The following TCOF1 variants were observed in gnomAD, a reference collection of about 807,000 sequenced individuals.
TCOF1 encodes treacle protein.
A neutral mutation model predicts 149.0 loss-of-function variants in TCOF1; 33 were observed. The observed-to-expected ratio is 0.22, with a 90% CI of 0.17 to 0.30. The LOEUF (loss-of-function observed/expected upper bound fraction) is 0.30, where lower values mean the gene tolerates loss of function less well. Among genes scored for constraint, TCOF1 ranks in the 10% least tolerant of loss-of-function variants. The probability of loss-of-function intolerance (pLI) is 1.00; values close to 1 mark genes in which losing one functional copy is unlikely to be tolerated. For synonymous variants in TCOF1, 789 were observed against 738.8 expected, an observed-to-expected ratio of 1.07 and a Z score of -1.10; for missense variants, 1,728 against 1,840.7, an observed-to-expected ratio of 0.94 and a Z score of 1.12.
intron 1 of TCOF1, among the ~76,000 whole-genome samples, chr5:150,360,910 A>C (rs1466281117): frequency 6.6e-6 from 1 of 151,416 alleles, no homozygotes; most frequent in Non-Finnish European, 1.5e-5. Flanking sequence ...CTAATTTTTA[A>C]ATTTTTTTAT....
chr5:150,384,202 C>T, intron 17 of TCOF1: 1 of 1,005,880 alleles, frequency 9.9e-7, no homozygotes, highest in Non-Finnish European at 1.2e-6. Context: ...TGCTCACTGC[C>T]TCTCACTTTC....
intron 2 of TCOF1, 76 bp downstream of exon 2, chr5:150,361,287 T>C (rs1193616716): frequency 6.4e-7 from 1 of 1,557,496 alleles, no homozygotes; most frequent in East Asian, 2.2e-5. Context: ...CTGGGATACC[T>C]ATCTGGTCTA....
At chr5:150,379,140 G>A (rs934737984) in intron 15 of TCOF1, 89 bp from the exon 16 acceptor site, 51 of 1,613,716 alleles carry the variant, frequency 3.2e-5, no homozygotes, top group Non-Finnish European at 4.0e-5. Flanking sequence ...GCATGGGCAG[G>A]CCACCCACCC....
intron 23 of TCOF1, chr5:150,394,894 G>A (rs1345023030): frequency 1.4e-5 from 2 of 142,490 alleles, no homozygotes; most frequent in Non-Finnish European, 3.0e-5. Context: ...TCCAGCCTGG[G>A]CAACAGAGCA....
chr5:150,379,826 C>T (rs531106172), intron 17 of TCOF1, 94 bp downstream of exon 17: 10 of 1,476,714 alleles, frequency 6.8e-6, no homozygotes, highest in Non-Finnish European at 9.3e-6. Context: ...AATCCTAGCA[C>T]TTTGGGAGGC....
At chr5:150,390,109 C>T (rs773167921) in intron 19 of TCOF1, 86 bp downstream of exon 19, 3 of 1,539,792 alleles carry the variant, frequency 1.9e-6, no homozygotes, top group Non-Finnish European at 2.6e-6. Flanking sequence ...ATGGGATGGC[C>T]TGCAATTGCT....
At position 150,364,096 on chromosome 5, in the gene TCOF1, T is replaced by A; in HGVS notation, c.165-17T>A. 1 of 1,614,018 alleles carries A rather than the reference T, an allele frequency of 6.2e-7. No individual in the cohort carries two copies. The highest frequency in any genetic ancestry group is 8.5e-7 in the Non-Finnish European group (1 of 1,179,930). ...TCTGTCACCCAGTTGGTATAGACAG[T>A]CACCCTTGTCCTGCAGAACCTCAGA... is the stretch of plus-strand genomic sequence containing the variant. On this transcript the variant is annotated splice_polypyrimidine_tract_variant and intron_variant, in intron 2 of 26. Coordinates refer to ENST00000643257, the MANE Select transcript of TCOF1 (RefSeq NM_001371623.1).
chr5:150,378,550 C>T (rs1764326960), intron 14 of TCOF1: 2 of 305,828 alleles, frequency 6.5e-6, no homozygotes, highest in Non-Finnish European at 1.2e-5. Flanking sequence ...ACATTGCCAC[C>T]TAGCTGAAAG....
At chr5:150,373,234 G>GTA (rs1762945458) in intron 7 of TCOF1, among the ~76,000 whole-genome samples, 1 of 151,752 alleles carries the variant, frequency 6.6e-6, no homozygotes, top group South Asian at 2.1e-4. Flanking sequence ...GTGTGTGTGT[G>GTA]TATAGACAGG....
At position 150,357,721 on chromosome 5, in the gene TCOF1, T is replaced by TAGCC. The variant is rs1758922761; in HGVS notation, c.-25_-22dup. The TAGCC allele has an allele frequency of 6.5e-7, 1 of 1,539,076 alleles. No homozygotes were observed. Among genetic ancestry groups the TAGCC allele is most frequent in the South Asian group, 1.2e-5 (1 of 83,740 alleles). On this transcript the variant is annotated 5_prime_UTR_variant, in exon 1 of 27. Transcript: ENST00000643257. ...CGGGGACTAAGGCGGGGCGTGCAGG[T>TAGCC]AGCCGGCCGGCCGGGGGTCGCGGGT...
chr5:150,388,236 A>G, intron 18 of TCOF1, 148 bp downstream of exon 18: 1 of 1,084,764 alleles, frequency 9.2e-7, no homozygotes, highest in Non-Finnish European at 1.3e-6. Flanking sequence ...TGCATTAGCC[A>G]TTCTGATTAG....
At chr5:150,393,867 C>A in intron 23 of TCOF1, 1 of 391,044 alleles carries the variant, frequency 2.6e-6, no homozygotes, top group East Asian at 6.0e-5. Flanking sequence ...TTTTAATTAG[C>A]CGGTGTGATG....
At position 150,391,647 on chromosome 5, in the gene TCOF1, C is replaced by A; in HGVS notation, c.3287C>A (p.Pro1096His). ...EAQPPVARTQ[P>H]SSGVDSAVGT... ...CAGCCTCCTGTTGCCAGGACCCAGC[C>A]TTCAAGTGGGGTGAGCTTGGGGAGC... The change falls in exon 20 of 27, where the codon CCT becomes CAT. Residue 1096 changes from proline (P) to histidine (H), a missense_variant. Physicochemically the swap from Pro to His is moderately conservative, Grantham distance 77. Transcript: ENST00000643257. 2.5e-6 allele frequency: 4 copies of A among 1,613,898 alleles called. No homozygotes were observed. Among genetic ancestry groups the A allele is most frequent in the Non-Finnish European group, 3.4e-6 (4 of 1,179,926 alleles).
chr5:150,381,518 C>T (rs1396746425), intron 17 of TCOF1, among the ~76,000 whole-genome samples: 11 of 152,240 alleles, frequency 7.2e-5, no homozygotes, highest in African/African-American at 2.7e-4. Context: ...TCAGTGTGTG[C>T]AGAGGGGCTG....
At position 150,379,517 on chromosome 5, in the gene TCOF1, T is replaced by G; in HGVS notation, c.2659-15T>G. 6.2e-7 allele frequency: 1 copy of G among 1,614,170 alleles called. No homozygotes were observed. Among genetic ancestry groups the G allele is most frequent in the Non-Finnish European group, 8.5e-7 (1 of 1,180,008 alleles). On this transcript the variant is annotated splice_polypyrimidine_tract_variant and intron_variant, in intron 16 of 26. Coordinates refer to ENST00000643257, the MANE Select transcript of TCOF1 (RefSeq NM_001371623.1). ...CCCTCCAGGCTCTCTCCTCTCATCCTGTTTCTCCCTCCAGGTGAAGCCTTC... is the reference window on the plus strand; with the variant it reads ...CCCTCCAGGCTCTCTCCTCTCATCCGGTTTCTCCCTCCAGGTGAAGCCTTC...
At chr5:150,388,121 G>GCTGCCAGCA in intron 18 of TCOF1, 33 bp downstream of exon 18, 1 of 1,611,708 alleles carries the variant, frequency 6.2e-7, no homozygotes. Flanking sequence ...GGTGGGAGGG[G>GCTGCCAGCA]CTGCCAGCAC....
Position 150,396,328 on chromosome 5 carries a change from G to A in TCOF1, c.3831G>A (p.Lys1277=). 1.2e-6 allele frequency: 2 copies of A among 1,613,982 alleles called. No individual in the cohort carries two copies. The highest frequency in any genetic ancestry group is 1.7e-6 in the Non-Finnish European group (2 of 1,180,048). The change falls in exon 24 of 27, where the codon AAG becomes AAA. Residue 1277 remains lysine (K), a synonymous_variant. Transcript: ENST00000643257. ...GCACCACACCTCAGAAGTCCCGGAA[G>A]CCCAAGAAAGGGGCTGGGAACCCCC... The part of the protein sequence containing the change: ...ASGTTPQKSR[K]PKKGAGNPQA...
At chr5:150,386,612 CAG>C (rs35982098) in intron 17 of TCOF1, among the ~76,000 whole-genome samples, 12,710 of 152,276 alleles carry the variant, frequency 0.083, 691 homozygotes, top group East Asian at 0.24. Flanking sequence ...GATGGTGAAA[CAG>C]AGACCAGTCT....
At chr5:150,388,437 G>A (rs1766726618) in intron 18 of TCOF1, among the ~76,000 whole-genome samples, 1 of 152,130 alleles carries the variant, frequency 6.6e-6, no homozygotes, top group Admixed American at 6.6e-5. Context: ...TCCCGTCCTT[G>A]GTGGCATGTA....
Sources: allele counts gnomAD v4.1 joint callset (sites outside exome capture counted in the v4.1 genomes callset), GRCh38; gene constraint gnomAD v4.1.1; transcripts MANE v1.5; gene names NCBI Gene and HGNC (gene_info 2026-07-23, HGNC 2026-07-21).